ZPLD1: variants seen among roughly 807,000 people sequenced by gnomAD.
ZPLD1 encodes zona pellucida like domain containing 1.
A neutral mutation model predicts 47.2 loss-of-function variants in ZPLD1; 34 were observed. The observed-to-expected ratio is 0.72, with a 90% CI of 0.55 to 0.96. The LOEUF is 0.96. ZPLD1 is among the 40% of genes least tolerant of loss of function. The pLI, the probability that ZPLD1 is intolerant of heterozygous loss-of-function variation, is 0.00. For synonymous variants in ZPLD1, 176 were observed against 186.2 expected (o/e 0.95, Z 0.45); for missense variants, 512 against 505.8 (o/e 1.01, Z -0.12).
upstream of ZPLD1, among the ~76,000 whole-genome samples, chr3:102,430,242 C>T (rs1194222373): frequency 6.6e-6 from 1 of 152,176 alleles, no homozygotes; most frequent in East Asian, 1.9e-4. Context: ...CCTAGTTCAC[C>T]TTGCTCCAGC....
intron 10 of ZPLD1, among the ~76,000 whole-genome samples, 195 bp from the exon 11 acceptor site, chr3:102,476,817 A>T (rs9290706): frequency 0.038 from 5,792 of 152,186 alleles, 383 homozygotes; most frequent in African/African-American, 0.13. Flanking sequence ...AATCCAGGAC[A>T]TATGAAACAG....
chr3:102,472,143 G>C (rs987559313), intron 10 of ZPLD1, among the ~76,000 whole-genome samples: 10 of 152,212 alleles, frequency 6.6e-5, no homozygotes, highest in Non-Finnish European at 1.3e-4. Flanking sequence ...AAACTAATAG[G>C]CCCTTTCAAT....
intron 4 of ZPLD1, among the ~76,000 whole-genome samples, chr3:102,454,855 C>T (rs1352704882): frequency 1.3e-5 from 2 of 152,144 alleles, no homozygotes; most frequent in African/African-American, 4.8e-5. Context: ...GACTTTGTCT[C>T]ACACACACAC....
intron 10 of ZPLD1, among the ~76,000 whole-genome samples, chr3:102,474,051 T>C (rs1707723269): frequency 6.6e-6 from 1 of 152,204 alleles, no homozygotes; most frequent in African/African-American, 2.4e-5. Context: ...AACTCCTGTT[T>C]TGTTTTGCTT....
chr3:102,400,571 C>G (rs1290238189), intron 7 of ZPLD1, among the ~76,000 whole-genome samples: 1 of 151,962 alleles, frequency 6.6e-6, no homozygotes, highest in Non-Finnish European at 1.5e-5. Context: ...CAGAAGTTTC[C>G]CCTGACTATA....
At chr3:102,468,417 GAA>G in intron 8 of ZPLD1, among the ~76,000 whole-genome samples, 1 of 152,106 alleles carries the variant, frequency 6.6e-6, no homozygotes, top group Admixed American at 6.5e-5. Context: ...AATAAACTCT[GAA>G]ACATGTCCAT....
intron 7 of ZPLD1, among the ~76,000 whole-genome samples, chr3:102,397,414 C>T (rs16845010): frequency 6.6e-6 from 1 of 152,040 alleles, no homozygotes; most frequent in African/African-American, 2.4e-5. Flanking sequence ...ATCTTTGCCA[C>T]TGAATGTTGC....
At chr3:102,421,989 G>A (rs1327053400) in intron 8 of ZPLD1, among the ~76,000 whole-genome samples, 1 of 151,930 alleles carries the variant, frequency 6.6e-6, no homozygotes, top group East Asian at 1.9e-4. Context: ...GATGATTTTA[G>A]TTTGATTGAT....
chr3:102,421,588 C>T (rs1255895604), intron 8 of ZPLD1, among the ~76,000 whole-genome samples: 2 of 151,766 alleles, frequency 1.3e-5, no homozygotes, highest in Non-Finnish European at 2.9e-5. Flanking sequence ...TAATATATTT[C>T]TATTTTCTAA....
intron 7 of ZPLD1, among the ~76,000 whole-genome samples, chr3:102,403,420 A>G (rs1706646589): frequency 6.6e-6 from 1 of 151,992 alleles, no homozygotes; most frequent in African/African-American, 2.4e-5. Context: ...CCTCTTCAAC[A>G]TATATGTAAC....
chr3:102,458,575 A>G (rs1241045768), intron 6 of ZPLD1, among the ~76,000 whole-genome samples: 2 of 152,218 alleles, frequency 1.3e-5, no homozygotes, highest in Non-Finnish European at 2.9e-5. Context: ...TATTCATGTC[A>G]TCATGGCACT....
chr3:102,462,239 G>A (rs753709801), intron 6 of ZPLD1, 42 bp from the exon 7 acceptor site: 2 of 1,281,400 alleles, frequency 1.6e-6, no homozygotes, highest in East Asian at 2.4e-5. Flanking sequence ...GTGTGCTGTT[G>A]TTGGGGAGGT....
upstream of ZPLD1, among the ~76,000 whole-genome samples, chr3:102,431,634 C>A (rs1403331102): frequency 6.6e-6 from 1 of 152,174 alleles, no homozygotes; most frequent in Non-Finnish European, 1.5e-5. Context: ...TAGGGCCGGG[C>A]ATGATGGCTC....
intron 8 of ZPLD1, among the ~76,000 whole-genome samples, chr3:102,421,716 C>T (rs1053227869): frequency 6.6e-6 from 1 of 151,618 alleles, no homozygotes; most frequent in South Asian, 2.1e-4. Flanking sequence ...AAGTTAATTA[C>T]AGGGCATAAA....
At position 102,392,169 on chromosome 3, in the gene ZPLD1, G is replaced by A. The variant is rs1238886326; in HGVS notation, c.-212-1G>A. On this transcript the variant is annotated splice_acceptor_variant, in intron 6 of 17. Coordinates refer to the ZPLD1 transcript ENST00000491959. LOFTEE classifies it low-confidence loss of function (5UTR_SPLICE). The stretch of plus-strand genomic sequence containing the variant: ...TGTTCCACAATACCCTCTTCTTTTA[G>A]GCACTTAGTATAAACCGATGCAACT... The A allele has an allele frequency of 1.3e-5, 2 of 152,016 alleles. No individual in the cohort carries two copies. Among genetic ancestry groups the A allele is most frequent in the African/African-American group, 2.4e-5 (1 of 41,392 alleles). The allele number at this position is 152,016 out of a possible 1,614,324, so 9.4% of individuals were successfully genotyped here.
intron 7 of ZPLD1, among the ~76,000 whole-genome samples, chr3:102,398,846 G>T (rs1328814021): frequency 6.6e-6 from 1 of 152,072 alleles, no homozygotes; most frequent in African/African-American, 2.4e-5. Flanking sequence ...TTATACTGCT[G>T]CTACTTAGCT....
At chr3:102,459,499 T>C (rs1483769175) in intron 6 of ZPLD1, among the ~76,000 whole-genome samples, 4 of 152,232 alleles carry the variant, frequency 2.6e-5, no homozygotes, top group Non-Finnish European at 5.9e-5. Flanking sequence ...GTCTTTCTTT[T>C]ATCATTAAGA....
intron 10 of ZPLD1, among the ~76,000 whole-genome samples, chr3:102,475,614 G>A (rs982266073): frequency 6.6e-5 from 10 of 152,182 alleles, no homozygotes; most frequent in Admixed American, 6.5e-5. Flanking sequence ...CTGTTTCCAT[G>A]AGAAGGAAGT....
chr3:102,452,104 A>C (rs912081840), intron 3 of ZPLD1, among the ~76,000 whole-genome samples: 3 of 142,708 alleles, frequency 2.1e-5, no homozygotes, highest in Non-Finnish European at 4.5e-5. Flanking sequence ...CCAAATAGAG[A>C]TATGAAGACC....
Sources: allele counts gnomAD v4.1 joint callset (sites outside exome capture counted in the v4.1 genomes callset), GRCh38; gene constraint gnomAD v4.1.1; transcripts MANE v1.5; gene names NCBI Gene and HGNC (gene_info 2026-07-23, HGNC 2026-07-21).